The following KCNH8 variants were observed in gnomAD, a reference collection of about 807,000 sequenced individuals.
The protein encoded by KCNH8 is voltage-gated delayed rectifier potassium channel KCNH8.
A neutral mutation model predicts 103.6 loss-of-function variants in KCNH8; 70 were observed. The observed-to-expected ratio is 0.68, with a 90% confidence interval of 0.56 to 0.82. The LOEUF is 0.82. Ranked by LOEUF, KCNH8 falls within the 40% of genes least tolerant of loss-of-function variation. The pLI is 0.00. For missense variants in KCNH8, 1,217 were observed against 1,329.9 expected, an observed-to-expected ratio of 0.92 and a Z score of 1.32; for synonymous variants, 498 against 489.4, an observed-to-expected ratio of 1.02 and a Z score of -0.23.
chr3:19,369,236 C>G (rs1269763635), intron 5 of KCNH8, among the ~76,000 whole-genome samples: 1 of 151,936 alleles, frequency 6.6e-6, no homozygotes, highest in Non-Finnish European at 1.5e-5. Flanking sequence ...ACTGTAGCCT[C>G]TTGTTTGTCA....
intron 5 of KCNH8, among the ~76,000 whole-genome samples, chr3:19,376,487 T>C (rs572805261): frequency 3.5e-4 from 54 of 152,240 alleles, no homozygotes; most frequent in African/African-American, 1.1e-3. Flanking sequence ...CACTGACCTG[T>C]GCCCACTGTC....
intron 11 of KCNH8, among the ~76,000 whole-genome samples, chr3:19,476,199 C>T (rs894767391): frequency 8.5e-5 from 13 of 152,084 alleles, no homozygotes; most frequent in African/African-American, 2.9e-4. Flanking sequence ...TGAGCTTAAC[C>T]GAGGCAATAT....
At chr3:19,238,022 G>T (rs1356593050) in intron 1 of KCNH8, among the ~76,000 whole-genome samples, 1 of 152,172 alleles carries the variant, frequency 6.6e-6, no homozygotes, top group Non-Finnish European at 1.5e-5. Flanking sequence ...TTCAGGGCTT[G>T]TGGGGGACAC....
chr3:19,532,204 C>A (rs1260830647), intron 15 of KCNH8, among the ~76,000 whole-genome samples: 1 of 152,124 alleles, frequency 6.6e-6, no homozygotes, highest in East Asian at 1.9e-4. Flanking sequence ...GAAGACTCTT[C>A]AATGGTTCTT....
chr3:19,317,864 A>G (rs2065294520), intron 3 of KCNH8, among the ~76,000 whole-genome samples: 1 of 152,008 alleles, frequency 6.6e-6, no homozygotes, highest in African/African-American at 2.4e-5. Flanking sequence ...CCCACAATCA[A>G]TGTCATACTA....
chr3:19,336,837 GT>G (rs2065591207), intron 3 of KCNH8, among the ~76,000 whole-genome samples: 1 of 151,884 alleles, frequency 6.6e-6, no homozygotes, highest in African/African-American at 2.4e-5. Context: ...TAAAAAGCAT[GT>G]TATAAAAGTA....
chr3:19,278,053 T>G (rs937309281), intron 2 of KCNH8, among the ~76,000 whole-genome samples: 4 of 152,160 alleles, frequency 2.6e-5, no homozygotes, highest in Non-Finnish European at 5.9e-5. Context: ...AGTTGATCAT[T>G]GTGCCCACAG....
intron 2 of KCNH8, among the ~76,000 whole-genome samples, chr3:19,258,943 CTCTCTATATATATATATATATATA>C (rs2064387043): frequency 1.9e-5 from 1 of 53,410 alleles, no homozygotes. Context: ...CTCTCTCTCT[CTCTCTATATATATATATATATATA>C]TATATATATA....
intron 10 of KCNH8, among the ~76,000 whole-genome samples, chr3:19,455,988 A>G (rs1332962875): frequency 2.6e-5 from 4 of 152,116 alleles, no homozygotes; most frequent in Non-Finnish European, 4.4e-5. Flanking sequence ...TCAGTATCCA[A>G]CTTTGAGTTT....
intron 1 of KCNH8, among the ~76,000 whole-genome samples, chr3:19,160,804 C>T (rs1367194558): frequency 6.6e-6 from 1 of 152,072 alleles, no homozygotes; most frequent in Non-Finnish European, 1.5e-5. Flanking sequence ...TACATGCTAC[C>T]TCTCCTTTAG....
chr3:19,176,416 C>T (rs867335780), intron 1 of KCNH8, among the ~76,000 whole-genome samples: 11 of 152,062 alleles, frequency 7.2e-5, no homozygotes, highest in African/African-American at 2.4e-4. Flanking sequence ...TAAGTAAGAA[C>T]ATTACCGAGA....
chr3:19,305,961 A>T (rs975315052), intron 3 of KCNH8, among the ~76,000 whole-genome samples: 4 of 152,024 alleles, frequency 2.6e-5, no homozygotes, highest in Non-Finnish European at 4.4e-5. Flanking sequence ...AATAAAAAAT[A>T]AAAAAATGGC....
chr3:19,510,991 G>T (rs2068773784), intron 12 of KCNH8, among the ~76,000 whole-genome samples: 1 of 152,064 alleles, frequency 6.6e-6, no homozygotes. Flanking sequence ...GTCAAATAGG[G>T]TTTACTTTTT....
chr3:19,311,258 C>T (rs923009596), intron 3 of KCNH8, among the ~76,000 whole-genome samples: 3 of 151,580 alleles, frequency 2.0e-5, no homozygotes, highest in Non-Finnish European at 4.4e-5. Flanking sequence ...ATGGTTTTTA[C>T]CACATTTAAT....
chr3:19,198,647 A>G (rs2063626107), intron 1 of KCNH8, among the ~76,000 whole-genome samples: 1 of 152,102 alleles, frequency 6.6e-6, no homozygotes, highest in African/African-American at 2.4e-5. Context: ...AATTAATATG[A>G]TAGTGACCCT....
chr3:19,294,880 T>C (rs967985675), intron 3 of KCNH8, among the ~76,000 whole-genome samples: 2 of 152,198 alleles, frequency 1.3e-5, no homozygotes, highest in African/African-American at 4.8e-5. Context: ...CAAAATACTC[T>C]CGTGGATTGC....
chr3:19,335,992 T>A lies in KCNH8; in HGVS notation c.443-6595T>A, dbSNP rs550881072. Among the ~76,000 whole-genome samples, 9 of 151,784 alleles carry A rather than the reference T, an allele frequency of 5.9e-5. No homozygotes were observed. In the South Asian group the frequency reaches 1.4e-3, roughly 24 times the overall value. On this transcript the variant is annotated intron_variant, in intron 3 of 15. Coordinates refer to ENST00000328405, the MANE Select transcript of KCNH8 (RefSeq NM_144633.3). ...TAATTGGCCACCTTTTAGAAAAAAA[T>A]GTTGTTTTCTGCTTCATTTATTTTT...
intron 7 of KCNH8, among the ~76,000 whole-genome samples, chr3:19,430,451 G>T (rs113282731): frequency 1.4e-4 from 21 of 151,840 alleles, no homozygotes; most frequent in African/African-American, 5.1e-4. Flanking sequence ...GCTTAGGATT[G>T]TCTTGGCTAT....
chr3:19,204,602 T>A (rs1303955556), intron 1 of KCNH8, among the ~76,000 whole-genome samples: 2 of 151,942 alleles, frequency 1.3e-5, no homozygotes, highest in East Asian at 3.9e-4. Context: ...GAGAAAAAAA[T>A]ATCAAGGTTG....
Sources: allele counts gnomAD v4.1 joint callset (sites outside exome capture counted in the v4.1 genomes callset), GRCh38; gene constraint gnomAD v4.1.1; transcripts MANE v1.5; gene names NCBI Gene and HGNC (gene_info 2026-07-23, HGNC 2026-07-21).